The following NUP62CL variants were observed in gnomAD, a reference collection of about 807,000 sequenced individuals.
NUP62CL encodes the protein nucleoporin-62 C-terminal-like protein.
Under a neutral mutation model 15.3 loss-of-function variants are expected in NUP62CL, and 13 were observed. That is an observed-to-expected ratio of 0.85 (90% CI 0.55 to 1.35). The LOEUF is 1.35. Ranked by LOEUF, NUP62CL falls within the 40% of genes most tolerant of loss-of-function variation. The pLI is 0.00. For synonymous variants in NUP62CL, 54 were observed against 49.2 expected (o/e 1.10, Z -0.41); for missense variants, 123 against 130.6 (o/e 0.94, Z 0.28).
At position 107,137,263 on chromosome X, in the gene NUP62CL, A is replaced by C. The variant is rs139735515; in HGVS notation, c.*42+10480T>G. 2.2e-3 allele frequency among the ~76,000 whole-genome samples: 245 copies of C among 111,500 alleles called. 3 individuals are homozygous for C. In the East Asian group the frequency reaches 0.063, roughly 29 times the overall value. ...TCAACTTGATAAAGGGCGTCTACAAAAAAAATCTACAAATAACATCATACT... is the reference window on the plus strand; with the variant it reads ...TCAACTTGATAAAGGGCGTCTACAACAAAAATCTACAAATAACATCATACT... On this transcript the variant is annotated intron_variant, in intron 8 of 8. Coordinates refer to ENST00000372466, the MANE Select transcript of NUP62CL (RefSeq NM_017681.3).
At chrX:107,172,417 A>T (rs1926675278) in intron 3 of NUP62CL, among the ~76,000 whole-genome samples, 1 of 111,980 alleles carries the variant, frequency 8.9e-6, no homozygotes, top group African/African-American at 3.3e-5. Flanking sequence ...AAGCCAGATT[A>T]AAACAGATTC....
intron 2 of NUP62CL, among the ~76,000 whole-genome samples, chrX:107,182,965 AAG>A (rs1370812910): frequency 9.0e-6 from 1 of 111,677 alleles, no homozygotes; most frequent in African/African-American, 3.3e-5. Flanking sequence ...TGGGAGGACA[AAG>A]AGGGAGGATC....
intron 8 of NUP62CL, among the ~76,000 whole-genome samples, chrX:107,125,759 C>T (rs1925371921): frequency 9.0e-6 from 1 of 111,662 alleles, no homozygotes; most frequent in Admixed American, 9.5e-5. Flanking sequence ...AACATAGGCA[C>T]ATTCTAGTAA....
At chrX:107,132,498 C>T (rs1374789073) in intron 8 of NUP62CL, among the ~76,000 whole-genome samples, 1 of 112,205 alleles carries the variant, frequency 8.9e-6, no homozygotes, top group Non-Finnish European at 1.9e-5. Context: ...GTGGCTCACA[C>T]CTGTAATCTC....
intron 1 of NUP62CL, among the ~76,000 whole-genome samples, chrX:107,194,329 T>G (rs762580540): frequency 2.2e-4 from 25 of 111,385 alleles, no homozygotes; most frequent in Non-Finnish European, 4.5e-4. Context: ...GAAAAAATTC[T>G]CATAGTTACC....
intron 2 of NUP62CL, among the ~76,000 whole-genome samples, chrX:107,182,530 G>GT (rs1349454314): frequency 8.4e-4 from 92 of 108,990 alleles, no homozygotes; most frequent in African/African-American, 2.2e-3. Context: ...GAAAATAGCA[G>GT]TTTTTTTTAA....
chrX:107,138,443 T>C (rs1244579532), intron 8 of NUP62CL, among the ~76,000 whole-genome samples: 1 of 111,652 alleles, frequency 9.0e-6, no homozygotes, highest in Non-Finnish European at 1.9e-5. Context: ...CTAGAACACA[T>C]GAAGATTCTC....
chrX:107,187,595 G>A (rs936742926), intron 2 of NUP62CL, among the ~76,000 whole-genome samples: 4 of 111,694 alleles, frequency 3.6e-5, no homozygotes, highest in East Asian at 2.8e-4. Context: ...ACGATGTTTT[G>A]CCACGTTGGC....
intron 8 of NUP62CL, among the ~76,000 whole-genome samples, chrX:107,147,185 T>G (rs1399512906): frequency 8.9e-6 from 1 of 111,773 alleles, no homozygotes; most frequent in Non-Finnish European, 1.9e-5. Flanking sequence ...AATACTGGTA[T>G]TATAATTCTG....
At chrX:107,182,706 A>G (rs1926948129) in intron 2 of NUP62CL, among the ~76,000 whole-genome samples, 1 of 111,340 alleles carries the variant, frequency 9.0e-6, no homozygotes, top group Non-Finnish European at 1.9e-5. Context: ...GAAGGCAGCA[A>G]CTTCAATTAA....
At chrX:107,164,140 C>T (rs189874109) in intron 4 of NUP62CL, among the ~76,000 whole-genome samples, 227 of 111,644 alleles carry the variant, frequency 2.0e-3, no homozygotes, top group Non-Finnish European at 2.8e-3. Context: ...GAACTAAAAT[C>T]GTACAAAGCA....
intron 7 of NUP62CL, 50 bp downstream of exon 7, chrX:107,153,122 C>G: frequency 1.8e-6 from 2 of 1,109,928 alleles, no homozygotes; most frequent in Non-Finnish European, 2.4e-6. Context: ...GGAATGCTCT[C>G]AGAATACGTA....
rs1445558939 is a variant in NUP62CL, at chrX:107,154,152, G to A, written c.289C>T (p.Leu97Phe). The A allele has an allele frequency of 1.7e-6, 2 of 1,207,451 alleles. No individual in the cohort carries two copies. The highest frequency in any genetic ancestry group is 2.3e-4 in the Middle Eastern group (1 of 4,345). ...CAAGCATTGACCTGAGTGGCCTGGA[G>A]AAGAAAGTACTTCTCTTGATCTTCC... Reference protein sequence around the residue: ...ELEDQEKYFLLQATQVNAWDH... With the variant: ...ELEDQEKYFLFQATQVNAWDH... Residue 97 changes from leucine (L) to phenylalanine (F), a missense_variant, in exon 5 of 9, where the codon CTC becomes TTC. By Grantham distance (22) the Leu-to-Phe change is conservative. Coordinates refer to ENST00000372466, the MANE Select transcript of NUP62CL (RefSeq NM_017681.3).
At chrX:107,162,483 A>G (rs371807657) in intron 4 of NUP62CL, among the ~76,000 whole-genome samples, 18 of 111,736 alleles carry the variant, frequency 1.6e-4, no homozygotes, top group African/African-American at 4.2e-4. Context: ...GAAAGCAACC[A>G]GAAAGAAAAA....
chrX:107,154,650 G>A (rs890852269), intron 4 of NUP62CL, among the ~76,000 whole-genome samples: 1 of 111,241 alleles, frequency 9.0e-6, no homozygotes, highest in Non-Finnish European at 1.9e-5. Flanking sequence ...TGTTTGAGTA[G>A]TATCCACAAG....
At chrX:107,184,556 A>T (rs186384299) in intron 2 of NUP62CL, among the ~76,000 whole-genome samples, 2 of 111,628 alleles carry the variant, frequency 1.8e-5, no homozygotes, top group Non-Finnish European at 3.8e-5. Flanking sequence ...AGGGAAAAAT[A>T]GACTGAAAAA....
intron 1 of NUP62CL, among the ~76,000 whole-genome samples, chrX:107,195,194 T>C (rs1333111801): frequency 9.0e-6 from 1 of 111,549 alleles, no homozygotes; most frequent in Non-Finnish European, 1.9e-5. Context: ...AAATAAATTA[T>C]AAGAGAACTA....
chrX:107,204,790 TAAA>T (rs1329032884), intron 1 of NUP62CL, among the ~76,000 whole-genome samples: 146 of 88,241 alleles, frequency 1.7e-3, no homozygotes, highest in Non-Finnish European at 2.2e-3. Context: ...AAATTTTAAA[TAAA>T]TTATTTAAAT....
Position 107,193,050 on chromosome X carries a change from A to C in NUP62CL, c.-69T>G, listed in dbSNP as rs1434553370. ...CCACCTGTAAAGTTCCTCCAAAATT[A>C]AACCTGCTGATGACTCCAAACCCTA... On this transcript the variant is annotated 5_prime_UTR_variant, in exon 2 of 9. Coordinates refer to ENST00000372466, the MANE Select transcript of NUP62CL (RefSeq NM_017681.3). The C allele has an allele frequency of 9.0e-6, 1 of 111,382 alleles. No homozygotes were observed. The highest frequency in any genetic ancestry group is 1.9e-5 in the Non-Finnish European group (1 of 53,136). 9.2% of individuals were successfully genotyped at this position (111,382 alleles called of 1,213,427 possible).
Sources: allele counts gnomAD v4.1 joint callset (sites outside exome capture counted in the v4.1 genomes callset), GRCh38; gene constraint gnomAD v4.1.1; transcripts MANE v1.5; gene names NCBI Gene and HGNC (gene_info 2026-07-23, HGNC 2026-07-21).